The following PDZD8 variants were observed in gnomAD, a reference collection of about 807,000 sequenced individuals.
PDZD8 encodes PDZ domain-containing protein 8.
Under a neutral mutation model 85.8 loss-of-function variants are expected in PDZD8, and 14 were observed. That is an observed-to-expected ratio of 0.16 (90% CI 0.11 to 0.26). The LOEUF (loss-of-function observed/expected upper bound fraction) is 0.26, where lower values mean the gene tolerates loss of function less well. PDZD8 is among the 10% of genes least tolerant of loss of function. The pLI, the probability that PDZD8 is intolerant of heterozygous loss-of-function variation, is 1.00. For missense variants in PDZD8, 1,197 were observed against 1,424.3 expected (o/e 0.84, Z 2.57); for synonymous variants, 592 against 568.6 (o/e 1.04, Z -0.59).
intron 1 of PDZD8, among the ~76,000 whole-genome samples, chr10:117,346,052 C>A (rs1479652136): frequency 1.3e-5 from 2 of 151,812 alleles, no homozygotes; most frequent in African/African-American, 4.8e-5. Context: ...ACCAGCCTGA[C>A]CAATATGATG....
At chr10:117,295,249 A>G (rs1843735500) in intron 3 of PDZD8, among the ~76,000 whole-genome samples, 1 of 152,158 alleles carries the variant, frequency 6.6e-6, no homozygotes, top group South Asian at 2.1e-4. Context: ...CTATTCTTAT[A>G]AGCATGTCTC....
At chr10:117,291,604 G>A (rs182914531) in intron 3 of PDZD8, among the ~76,000 whole-genome samples, 12 of 151,820 alleles carry the variant, frequency 7.9e-5, no homozygotes, top group African/African-American at 1.9e-4. Context: ...AGCTACTAAG[G>A]AGGGCTGAGG....
At chr10:117,293,501 A>G (rs2133769192) in intron 3 of PDZD8, among the ~76,000 whole-genome samples, 1 of 152,232 alleles carries the variant, frequency 6.6e-6, no homozygotes, top group Non-Finnish European at 1.5e-5. Context: ...AATTTCCAAT[A>G]TATACAAAAG....
intron 1 of PDZD8, among the ~76,000 whole-genome samples, chr10:117,349,174 ATGAC>A (rs1191567047): frequency 6.6e-6 from 1 of 152,214 alleles, no homozygotes; most frequent in Admixed American, 6.5e-5. Context: ...CTAAACCCAG[ATGAC>A]TGGTGTGTGG....
At chr10:117,313,148 T>C (rs1844067043) in intron 3 of PDZD8, among the ~76,000 whole-genome samples, 2 of 152,182 alleles carry the variant, frequency 1.3e-5, no homozygotes, top group Non-Finnish European at 2.9e-5. Context: ...CTGAAGATTA[T>C]ACTGTACATT....
At chr10:117,303,433 G>C (rs533917440) in intron 3 of PDZD8, among the ~76,000 whole-genome samples, 2 of 152,292 alleles carry the variant, frequency 1.3e-5, no homozygotes, top group Admixed American at 6.5e-5. Flanking sequence ...GGTTTTATAA[G>C]GGAAACAGAG....
rs751239659 is a variant in PDZD8 at position 117,284,839 on chromosome 10, C to G, written c.1894G>C (p.Ala632Pro). Residue 632 changes from alanine to proline, a missense_variant, in exon 5 of 5, where the codon GCT becomes CCT. Physicochemically the swap from Ala to Pro is conservative, Grantham distance 27 (BLOSUM62 -1). Transcript: ENST00000334464. ...TCCACATTTTTTGCTTGCTTTTCAGCAGATTTATCTACAAGAGGAGGTGGC... is the reference window on the plus strand; with the variant it reads ...TCCACATTTTTTGCTTGCTTTTCAGGAGATTTATCTACAAGAGGAGGTGGC... ...VVPPPLVDKS[A>P]EKQAKNVDAI... 2.0e-5 allele frequency: 33 copies of G among 1,614,044 alleles called. No homozygotes were observed. In the Admixed American group the frequency reaches 5.5e-4, roughly 27 times the overall value.
In PDZD8 at chr10:117,323,095, G is replaced by T. The variant is rs529522194; in HGVS notation, c.996-4121C>A. 2.6e-5 allele frequency among the ~76,000 whole-genome samples: 4 copies of T among 152,244 alleles called. No homozygotes were observed. In the South Asian group the frequency reaches 8.3e-4, roughly 32 times the overall value. ...ACAGAAGTGGCAAAACCTTATTAAAGATAATTTAGAATTACAATGGCCATA... is the reference window on the plus strand; with the variant it reads ...ACAGAAGTGGCAAAACCTTATTAAATATAATTTAGAATTACAATGGCCATA... On this transcript the variant is annotated intron_variant, in intron 2 of 4. Coordinates refer to ENST00000334464, the MANE Select transcript of PDZD8 (RefSeq NM_173791.5).
At chr10:117,322,344 CCT>C (rs1290197841) in intron 2 of PDZD8, among the ~76,000 whole-genome samples, 8 of 152,106 alleles carry the variant, frequency 5.3e-5, no homozygotes, top group Admixed American at 5.2e-4. Flanking sequence ...CCTTTTGGAT[CCT>C]CTGTCTTCCT....
chr10:117,365,097 C>T (rs932482594), intron 1 of PDZD8, among the ~76,000 whole-genome samples: 3 of 150,140 alleles, frequency 2.0e-5, no homozygotes, highest in Non-Finnish European at 4.4e-5. Flanking sequence ...CTTCTTTATG[C>T]TCCTCAATAC....
At chr10:117,355,517 G>A (rs1379558252) in intron 1 of PDZD8, among the ~76,000 whole-genome samples, 1 of 152,172 alleles carries the variant, frequency 6.6e-6, no homozygotes, top group Non-Finnish European at 1.5e-5. Flanking sequence ...AACAGACTCT[G>A]GAGCCACACA....
intron 2 of PDZD8, among the ~76,000 whole-genome samples, chr10:117,336,953 G>A (rs751410648): frequency 1.3e-5 from 2 of 151,958 alleles, no homozygotes; most frequent in Non-Finnish European, 2.9e-5. Context: ...GCTGGGCATG[G>A]TGGTGGGCGC....
chr10:117,285,883 C>T, intron 4 of PDZD8: 2 of 277,062 alleles, frequency 7.2e-6, no homozygotes, highest in Non-Finnish European at 1.1e-5. Flanking sequence ...AGCTGTGATT[C>T]CACTGAAGGA....
chr10:117,329,971 A>AGGAAGGGAGGAAG (rs1303380918), intron 2 of PDZD8, among the ~76,000 whole-genome samples: 3 of 29,610 alleles, frequency 1.0e-4, no homozygotes, highest in African/African-American at 2.7e-4. Flanking sequence ...GAGGAAGGGA[A>AGGAAGGGAGGAAG]GGAAGGAAGG....
At chr10:117,289,787 G>A (rs1279247872) in intron 4 of PDZD8, among the ~76,000 whole-genome samples, 5 of 152,186 alleles carry the variant, frequency 3.3e-5, no homozygotes, top group Non-Finnish European at 7.3e-5. Context: ...AGTGATGGGG[G>A]CAGTAGTGCT....
At chr10:117,289,930 G>A (rs1172782031) in intron 4 of PDZD8, among the ~76,000 whole-genome samples, 1 of 152,192 alleles carries the variant, frequency 6.6e-6, no homozygotes, top group Non-Finnish European at 1.5e-5. Flanking sequence ...AAGGATTAGA[G>A]TGGTTATATA....
At chr10:117,321,531 G>C (rs924421095) in intron 2 of PDZD8, among the ~76,000 whole-genome samples, 3 of 152,112 alleles carry the variant, frequency 2.0e-5, no homozygotes, top group African/African-American at 7.2e-5. Flanking sequence ...GTTTCTTTGA[G>C]GGGGATGAAA....
At position 117,283,904 on chromosome 10, in the gene PDZD8, A is replaced by G. The variant is rs139401030; in HGVS notation, c.2829T>C (p.Ser943=). The part of the protein sequence containing the change: ...GLTRHIINTS[S]RLLNLRQVSK... ...AGACTTGACGCAAATTTAATAAACG[A>G]GAACTAGTATTGATAATATGCCTTG... is the stretch of plus-strand genomic sequence containing the variant. The change falls in exon 5 of 5, where the codon TCT becomes TCC. Residue 943 remains serine, a synonymous_variant. Transcript: ENST00000334464. The G allele has an allele frequency of 6.2e-7, 1 of 1,614,086 alleles. No individual in the cohort carries two copies. Among genetic ancestry groups the G allele is most frequent in the African/African-American group, 1.3e-5 (1 of 74,922 alleles).
chr10:117,375,321 G>T lies in PDZD8; in HGVS notation c.-94C>A. On this transcript the variant is annotated 5_prime_UTR_variant, in exon 1 of 5. Transcript: ENST00000334464. ...CCGCTGCCTCCATTTTGAGGACATC[G>T]GGCGGCTGGGTCGGGGCGAGCGGCT... is the stretch of plus-strand genomic sequence containing the variant. 8.2e-7 allele frequency: 1 copy of T among 1,215,660 alleles called. No individual in the cohort carries two copies. The highest frequency in any genetic ancestry group is 2.9e-5 in the East Asian group (1 of 34,634). 75.3% of individuals were successfully genotyped at this position (1,215,660 alleles called of 1,614,324 possible). A position where few individuals can be genotyped will look rare whatever the true frequency, so the allele number is the denominator to read the frequency against.
Sources: allele counts gnomAD v4.1 joint callset (sites outside exome capture counted in the v4.1 genomes callset), GRCh38; gene constraint gnomAD v4.1.1; transcripts MANE v1.5; gene names NCBI Gene and HGNC (gene_info 2026-07-23, HGNC 2026-07-21).